Variants in SIRPG observed in about 807,000 individuals in gnomAD.
SIRPG encodes signal-regulatory protein gamma.
A neutral mutation model predicts 35.7 loss-of-function variants in SIRPG; 38 were observed. That is an observed-to-expected ratio of 1.06 (90% CI 0.82 to 1.40). The LOEUF is 1.40. Among genes scored for constraint, SIRPG ranks in the 40% most tolerant of loss-of-function variants. SIRPG has a pLI of 0.00. For synonymous variants in SIRPG, 215 were observed against 190.4 expected, an observed-to-expected ratio of 1.13 and a Z score of -1.06; for missense variants, 519 against 483.0, an observed-to-expected ratio of 1.07 and a Z score of -0.70.
the SIRPG span, chr20:1,670,739 A>C: frequency 5.7e-6 from 1 of 176,666 alleles, no homozygotes; most frequent in African/African-American, 2.4e-5. Context: ...GTAAGTGACC[A>C]GTACATCTAG....
At chr20:1,630,435 A>C (rs919446289) in intron 4 of SIRPG, 129 bp from the exon 5 acceptor site, 4 of 674,436 alleles carry the variant, frequency 5.9e-6, no homozygotes, top group Non-Finnish European at 1.0e-5. Context: ...CATCCTGCCC[A>C]GGCTATCTTC....
the SIRPG span, among the ~76,000 whole-genome samples, chr20:1,668,171 T>TTTTCTTTTC: frequency 1.3e-4 from 8 of 62,852 alleles, no homozygotes; most frequent in African/African-American, 3.6e-4. Context: ...TTTTCTTTTC[T>TTTTCTTTTC]TTTCTTTCTT....
the SIRPG span, among the ~76,000 whole-genome samples, chr20:1,670,669 T>C: frequency 2.0e-5 from 3 of 152,152 alleles, no homozygotes; most frequent in Admixed American, 6.5e-5. Context: ...TATCTATCTA[T>C]CTAGCACAGA....
the SIRPG span, among the ~76,000 whole-genome samples, chr20:1,685,766 A>G: frequency 1.3e-5 from 2 of 152,186 alleles, no homozygotes; most frequent in Non-Finnish European, 2.9e-5. Flanking sequence ...ATCCTGAAGA[A>G]GGACAGTGGC....
At chr20:1,644,278 GT>G (rs1248617466) in intron 2 of SIRPG, among the ~76,000 whole-genome samples, 1 of 152,176 alleles carries the variant, frequency 6.6e-6, no homozygotes, top group African/African-American at 2.4e-5. Context: ...AGTTGTTGGA[GT>G]TCCTGGAGGG....
At chr20:1,636,958 G>C (rs772763109) in intron 2 of SIRPG, among the ~76,000 whole-genome samples, 1 of 152,192 alleles carries the variant, frequency 6.6e-6, no homozygotes, top group Non-Finnish European at 1.5e-5. Context: ...GCCCATGAGA[G>C]GGGTGGCCTG....
At chr20:1,647,235 C>T (rs560891312) in intron 2 of SIRPG, 1 of 152,884 alleles carries the variant, frequency 6.5e-6, no homozygotes, top group Non-Finnish European at 1.5e-5. Flanking sequence ...CTCCCTGGCC[C>T]CCTTCCCTGC....
the SIRPG span, among the ~76,000 whole-genome samples, chr20:1,671,533 C>T: frequency 2.6e-5 from 4 of 152,184 alleles, no homozygotes; most frequent in Middle Eastern, 3.4e-3. Context: ...GAGACCAGCT[C>T]GGTCAGGGAG....
chr20:1,662,138 G>A (rs1230686502), upstream of SIRPG, among the ~76,000 whole-genome samples: 3 of 152,192 alleles, frequency 2.0e-5, no homozygotes, highest in Non-Finnish European at 4.4e-5. Flanking sequence ...AGGTCACAGG[G>A]CAAACCACTG....
chr20:1,684,823 T>C, the SIRPG span, among the ~76,000 whole-genome samples: 3 of 152,134 alleles, frequency 2.0e-5, no homozygotes, highest in African/African-American at 7.3e-5. Context: ...TAGGAGTTAA[T>C]AGGTGTAGCT....
At chr20:1,634,625 G>C (rs1338222141) in intron 4 of SIRPG, among the ~76,000 whole-genome samples, 4 of 152,146 alleles carry the variant, frequency 2.6e-5, no homozygotes, top group African/African-American at 9.7e-5. Flanking sequence ...GCAGAGGTTA[G>C]AAAAAGTAGG....
rs201321549 is a variant in SIRPG, at chr20:1,649,134, T to G, written c.348A>C (p.Thr116=). ...ISSITPADVG[T]YYCVKFRKGS... ...CTTTTCGAAACTTCACACAGTAGTA[T>G]GTGCCGACATCTGCTGGGGTGATGC... The change falls in exon 2 of 6, where the codon ACA becomes ACC. Residue 116 remains threonine (T), a synonymous_variant. Transcript: ENST00000303415. The G allele has an allele frequency of 6.5e-5, 105 of 1,614,004 alleles. No homozygotes were observed. The highest frequency in any genetic ancestry group is 1.5e-4 in the African/African-American group (11 of 75,018).
At chr20:1,668,869 C>T in the SIRPG span, among the ~76,000 whole-genome samples, 1 of 152,188 alleles carries the variant, frequency 6.6e-6, no homozygotes, top group African/African-American at 2.4e-5. Flanking sequence ...TTCCATGCAT[C>T]TCTGATTATA....
chr20:1,672,782 C>G, the SIRPG span, among the ~76,000 whole-genome samples: 1 of 151,988 alleles, frequency 6.6e-6, no homozygotes, highest in African/African-American at 2.4e-5. Context: ...CTAATTTGTG[C>G]CAAGTGCTGC....
the SIRPG span, among the ~76,000 whole-genome samples, chr20:1,685,075 G>C: frequency 6.6e-6 from 1 of 152,208 alleles, no homozygotes; most frequent in Non-Finnish European, 1.5e-5. Flanking sequence ...CCAGCCCTGT[G>C]ATTCTGGGGT....
chr20:1,672,942 A>G, the SIRPG span, among the ~76,000 whole-genome samples: 13 of 152,194 alleles, frequency 8.5e-5, no homozygotes, highest in African/African-American at 2.7e-4. Flanking sequence ...CAGGCCATCT[A>G]AGCAGGCAGG....
chr20:1,636,774 C>T (rs912652394), intron 2 of SIRPG, among the ~76,000 whole-genome samples: 3 of 152,176 alleles, frequency 2.0e-5, no homozygotes, highest in Non-Finnish European at 4.4e-5. Context: ...AGGGTGACTT[C>T]CACCAATCTG....
At chr20:1,647,393 T>C (rs1359498182) in intron 2 of SIRPG, 1 of 152,350 alleles carries the variant, frequency 6.6e-6, no homozygotes, top group Non-Finnish European at 1.5e-5. Flanking sequence ...ATCTGGAAAC[T>C]TCGGTGTCTT....
At chr20:1,659,251 T>G (rs2091989858), upstream of SIRPG, among the ~76,000 whole-genome samples, 1 of 152,250 alleles carries the variant, frequency 6.6e-6, no homozygotes, top group Admixed American at 6.5e-5. Flanking sequence ...CTGTCCAGAA[T>G]CCTTCATCTC....
Sources: allele counts gnomAD v4.1 joint callset (sites outside exome capture counted in the v4.1 genomes callset), GRCh38; gene constraint gnomAD v4.1.1; transcripts MANE v1.5; gene names NCBI Gene and HGNC (gene_info 2026-07-23, HGNC 2026-07-21).